The following DPF3 variants were observed in gnomAD, a reference collection of about 807,000 sequenced individuals.
The protein encoded by DPF3 is double PHD fingers 3.
In DPF3, 18 loss-of-function variants were observed where a neutral mutation model predicts 56.8. The ratio of observed to expected loss-of-function variants is 0.32; its 90% CI spans 0.22 to 0.47. DPF3 has a LOEUF of 0.47. DPF3 is among the 20% of genes least tolerant of loss of function. The pLI, the probability that DPF3 is intolerant of heterozygous loss-of-function variation, is 1.00. For missense variants in DPF3, 403 were observed against 488.8 expected (o/e 0.82, Z 1.65); for synonymous variants, 188 against 180.2 (o/e 1.04, Z -0.35).
intron 6 of DPF3, among the ~76,000 whole-genome samples, chr14:72,709,822 T>A (rs1326659525): frequency 6.6e-6 from 1 of 152,126 alleles, no homozygotes; most frequent in Non-Finnish European, 1.5e-5. Context: ...TGTGGGGGTT[T>A]ACAGAAATAA....
chr14:72,714,299 C>T (rs934566110), intron 6 of DPF3, 124 bp downstream of exon 6: 5 of 1,216,302 alleles, frequency 4.1e-6, no homozygotes, highest in Non-Finnish European at 5.8e-6. Context: ...AGCTGGGGTG[C>T]AGACAGAGGA....
At chr14:72,642,363 T>C (rs1193842294) in intron 8 of DPF3, among the ~76,000 whole-genome samples, 2 of 152,224 alleles carry the variant, frequency 1.3e-5, no homozygotes, top group African/African-American at 2.4e-5. Flanking sequence ...TTGACAGAAC[T>C]CCTGCTTAGG....
In DPF3 at chr14:72,612,096, T is replaced by C. The variant is rs1800530189; in HGVS notation, c.*7201A>G. On this transcript the variant is annotated 3_prime_UTR_variant, in exon 11 of 11. Transcript: ENST00000556509. Reference sequence around the variant, plus strand: ...CAGTAACAGCCTGCCCTGCAATGATTCATGGCAGGCAAAAGATGGGTTCAT... The same window carrying C: ...CAGTAACAGCCTGCCCTGCAATGATCCATGGCAGGCAAAAGATGGGTTCAT... Among the ~76,000 whole-genome samples, 1 of 152,152 alleles carries C rather than the reference T, an allele frequency of 6.6e-6. No individual in the cohort carries two copies. The highest frequency in any genetic ancestry group is 2.4e-5 in the African/African-American group (1 of 41,420).
intron 8 of DPF3, chr14:72,662,459 T>C: frequency 1.0e-6 from 1 of 983,498 alleles, no homozygotes; most frequent in Non-Finnish European, 1.2e-6. Context: ...ATAAAATAGT[T>C]AACTCTTTTT....
chr14:72,795,925 T>G (rs997231664), intron 1 of DPF3, among the ~76,000 whole-genome samples: 10 of 152,258 alleles, frequency 6.6e-5, no homozygotes, highest in Non-Finnish European at 1.5e-4. Flanking sequence ...CACTTTATTT[T>G]CAATTGTGTT....
intron 1 of DPF3, among the ~76,000 whole-genome samples, chr14:72,776,523 A>G (rs2139953787): frequency 6.6e-6 from 1 of 152,218 alleles, no homozygotes; most frequent in East Asian, 1.9e-4. Flanking sequence ...CAGGGGGCCA[A>G]AGAAGACTCA....
intron 1 of DPF3, among the ~76,000 whole-genome samples, chr14:72,864,807 A>C (rs567656395): frequency 6.6e-6 from 1 of 152,354 alleles, no homozygotes; most frequent in East Asian, 1.9e-4. Flanking sequence ...GGGTAGAAGC[A>C]CTGCAGGCTG....
chr14:72,662,538 TCA>T, intron 8 of DPF3: 1 of 985,294 alleles, frequency 1.0e-6, no homozygotes, highest in Non-Finnish European at 1.2e-6. Flanking sequence ...GGGTACTTTC[TCA>T]CAGACAATCA....
intron 6 of DPF3, among the ~76,000 whole-genome samples, chr14:72,708,888 C>A (rs2153575044): frequency 6.6e-6 from 1 of 152,344 alleles, no homozygotes; most frequent in South Asian, 2.1e-4. Flanking sequence ...AAGAAAGGCG[C>A]CACTGTGTGG....
rs537506518 is a variant in DPF3, at chr14:72,817,904, C to T, written c.33-46011G>A. Among the ~76,000 whole-genome samples, 3 of 152,064 alleles carry T rather than the reference C, an allele frequency of 2.0e-5. No homozygotes were observed. In the East Asian group the frequency reaches 5.8e-4, roughly 29 times the overall value. On this transcript the variant is annotated intron_variant, in intron 1 of 10. Transcript: ENST00000556509. ...AACATACCCTTTACTTCATGTTGTA[C>T]ACAAAAAATAACAAAATGGATCACA...
Position 72,629,650 on chromosome 14 carries a change from T to A in DPF3, c.958A>T (p.Ile320Phe). Residue 320 changes from isoleucine to phenylalanine, a missense_variant, in exon 9 of 11, where the codon ATC (isoleucine) becomes TTC (phenylalanine). By Grantham distance (21) the Ile-to-Phe change is conservative (BLOSUM62 0). Transcript: ENST00000556509. The part of the protein sequence containing the change: ...KWQCIECKSC[I>F]LCGTSENDDQ... ...TCATTCTCTGAGGTCCCACAGAGGA[T>A]ACAGGATTTGCACTCTATGCACTGC... 6.5e-7 allele frequency: 1 copy of A among 1,536,064 alleles called. No homozygotes were observed. The highest frequency in any genetic ancestry group is 8.7e-7 in the Non-Finnish European group (1 of 1,146,852).
chr14:72,678,192 G>A (rs760945213), intron 7 of DPF3, among the ~76,000 whole-genome samples: 4 of 152,202 alleles, frequency 2.6e-5, no homozygotes, highest in Non-Finnish European at 4.4e-5. Flanking sequence ...CCCCCAGTTT[G>A]TCTGTGTCCC....
At chr14:72,824,977 T>G (rs1025572050) in intron 1 of DPF3, among the ~76,000 whole-genome samples, 1 of 152,058 alleles carries the variant, frequency 6.6e-6, no homozygotes, top group Non-Finnish European at 1.5e-5. Flanking sequence ...AACCTCCACC[T>G]CCCGGATTCA....
intron 2 of DPF3, among the ~76,000 whole-genome samples, chr14:72,768,876 T>C (rs540016603): frequency 6.6e-6 from 1 of 152,178 alleles, no homozygotes; most frequent in African/African-American, 2.4e-5. Context: ...TTAAACCTTT[T>C]TCAGTAATCT....
At position 72,714,447 on chromosome 14, in the gene DPF3, G is replaced by A. The variant is rs1888811541; in HGVS notation, c.580C>T (p.His194Tyr). 6.2e-7 allele frequency: 1 copy of A among 1,613,750 alleles called. No homozygotes were observed. The highest frequency in any genetic ancestry group is 1.3e-5 in the African/African-American group (1 of 74,924). The change falls in exon 6 of 11, where the codon CAC becomes TAC. Residue 194 changes from histidine to tyrosine, a missense_variant. Coordinates refer to ENST00000556509, the MANE Select transcript of DPF3 (RefSeq NM_001280542.3). Reference sequence around the variant, plus strand: ...CTGTCACAGACGTAAGGTTTGTCGTGGTCTTCCTGAGAGGCGGCGTCGTGC... The same window carrying A: ...CTGTCACAGACGTAAGGTTTGTCGTAGTCTTCCTGAGAGGCGGCGTCGTGC... The part of the protein sequence containing the change: ...RRHDAASQED[H>Y]DKPYVCDICG...
intron 7 of DPF3, among the ~76,000 whole-genome samples, chr14:72,678,218 T>TA (rs1242734085): frequency 6.6e-6 from 1 of 152,210 alleles, no homozygotes; most frequent in African/African-American, 2.4e-5. Flanking sequence ...ATTGTGCCTC[T>TA]AATCACACTT....
At chr14:72,798,252 C>T (rs1255593876) in intron 1 of DPF3, among the ~76,000 whole-genome samples, 61 of 55,690 alleles carry the variant, frequency 1.1e-3, no homozygotes, top group Non-Finnish European at 1.7e-3. Flanking sequence ...TAGCCTTCAT[C>T]TCAAAAAAAA....
chr14:72,819,151 C>T (rs12431400), intron 1 of DPF3, among the ~76,000 whole-genome samples: 14,234 of 152,184 alleles, frequency 0.094, 817 homozygotes, highest in Admixed American at 0.18. Flanking sequence ...AGTAAGCTAC[C>T]GTTCACACCC....
intron 1 of DPF3, chr14:72,853,164 T>A (rs755093079): frequency 1.3e-5 from 2 of 151,982 alleles, no homozygotes; most frequent in African/African-American, 2.4e-5. Flanking sequence ...ACCTCTTTTT[T>A]TCTTGTTTTA....
Sources: gnomAD v4.1 joint callset for allele counts (sites outside exome capture counted in the v4.1 genomes callset) on GRCh38, gnomAD v4.1.1 for gene constraint, MANE v1.5 for transcripts, NCBI Gene and HGNC (gene_info 2026-07-23, HGNC 2026-07-21) for gene names.